The following ARHGAP10 variants were observed in gnomAD, a reference collection of about 807,000 sequenced individuals.
The protein encoded by ARHGAP10 is rho GTPase-activating protein 10.
A neutral mutation model predicts 108.6 loss-of-function variants in ARHGAP10; 87 were observed. That is an observed-to-expected ratio of 0.80 (90% CI 0.67 to 0.96). ARHGAP10 has a LOEUF of 0.96. Among genes scored for constraint, ARHGAP10 ranks in the 40% least tolerant of loss-of-function variants. The pLI, the probability that ARHGAP10 is intolerant of heterozygous loss-of-function variation, is 0.00. For missense variants in ARHGAP10, 939 were observed against 954.5 expected (o/e 0.98, Z 0.21); for synonymous variants, 347 against 341.1 (o/e 1.02, Z -0.19).
chr4:147,938,306 G>T (rs961571454), intron 13 of ARHGAP10, among the ~76,000 whole-genome samples: 36 of 152,112 alleles, frequency 2.4e-4, no homozygotes, highest in African/African-American at 8.4e-4. Flanking sequence ...TACAACAAAT[G>T]CCATGACACA....
chr4:147,828,833 G>A (rs1332707088), intron 3 of ARHGAP10, among the ~76,000 whole-genome samples: 1 of 151,728 alleles, frequency 6.6e-6, no homozygotes, highest in Non-Finnish European at 1.5e-5. Context: ...TCAAAGAAGT[G>A]TAATTTCTAT....
intron 3 of ARHGAP10, among the ~76,000 whole-genome samples, chr4:147,845,261 C>T (rs555330830): frequency 7.5e-4 from 114 of 152,346 alleles, no homozygotes; most frequent in African/African-American, 2.6e-3. Flanking sequence ...CCTCACTGTA[C>T]TCCTACTTTT....
chr4:147,791,533 T>TGC (rs900795522), intron 1 of ARHGAP10, among the ~76,000 whole-genome samples: 5 of 151,718 alleles, frequency 3.3e-5, no homozygotes, highest in African/African-American at 7.3e-5. Context: ...TGTGTGTGTG[T>TGC]GCGCGCGCGT....
In ARHGAP10 at chr4:148,034,901, T is replaced by C. The variant is rs1402396508; in HGVS notation, c.1867+11488T>C. Among the ~76,000 whole-genome samples the C allele has an allele frequency of 2.0e-5, 3 of 152,328 alleles. No individual in the cohort carries two copies. The East Asian group carries it at 5.8e-4, about 29-fold the overall frequency. On this transcript the variant is annotated intron_variant, in intron 19 of 22. Coordinates refer to ENST00000336498, the MANE Select transcript of ARHGAP10 (RefSeq NM_024605.4). ...GTTTATATGGGCAAAAATTTTAGTC[T>C]TTAAACAATGCCCCAGGACTGTGAT...
At chr4:147,753,237 A>G (rs1729233210) in intron 1 of ARHGAP10, among the ~76,000 whole-genome samples, 4 of 152,214 alleles carry the variant, frequency 2.6e-5, no homozygotes, top group Admixed American at 2.6e-4. Context: ...TACACCATAG[A>G]TAAGGAAACA....
chr4:147,932,471 C>A (rs1228819390), intron 13 of ARHGAP10, among the ~76,000 whole-genome samples: 1 of 152,102 alleles, frequency 6.6e-6, no homozygotes, highest in East Asian at 1.9e-4. Context: ...TACTATGCAG[C>A]CATAAAAAGG....
chr4:147,881,768 G>T, intron 9 of ARHGAP10, 70 bp from the exon 10 acceptor site: 1 of 1,423,164 alleles, frequency 7.0e-7, no homozygotes. Context: ...CTGCTCTCCA[G>T]TATAGAATGG....
intron 1 of ARHGAP10, among the ~76,000 whole-genome samples, chr4:147,795,556 T>G (rs1234503386): frequency 6.6e-6 from 1 of 152,076 alleles, no homozygotes; most frequent in Non-Finnish European, 1.5e-5. Context: ...ACTTCTGGAG[T>G]GTGAGCTCTT....
chr4:147,740,692 C>T (rs1728620899), intron 1 of ARHGAP10, among the ~76,000 whole-genome samples: 1 of 152,202 alleles, frequency 6.6e-6, no homozygotes, highest in African/African-American at 2.4e-5. Flanking sequence ...CTCCACCTTC[C>T]TCTTTTCCTC....
chr4:147,957,140 C>T (rs375732845), intron 16 of ARHGAP10, among the ~76,000 whole-genome samples: 30 of 152,170 alleles, frequency 2.0e-4, no homozygotes, highest in African/African-American at 5.8e-4. Context: ...ATGACAGGAC[C>T]GTCAGAAAGA....
At chr4:148,034,348 G>A (rs943469966) in intron 19 of ARHGAP10, among the ~76,000 whole-genome samples, 6 of 152,036 alleles carry the variant, frequency 3.9e-5, no homozygotes, top group South Asian at 2.1e-4. Context: ...AGACCATTTC[G>A]CTCTTGTTGC....
intron 19 of ARHGAP10, among the ~76,000 whole-genome samples, chr4:148,031,774 T>C (rs1424394960): frequency 6.6e-6 from 1 of 152,218 alleles, no homozygotes; most frequent in Non-Finnish European, 1.5e-5. Flanking sequence ...GAGAGGACTA[T>C]GGTTTTCAAT....
chr4:147,941,652 T>C (rs966209500), intron 14 of ARHGAP10, among the ~76,000 whole-genome samples: 2 of 152,178 alleles, frequency 1.3e-5, no homozygotes, highest in African/African-American at 4.8e-5. Flanking sequence ...TACCTCCTCA[T>C]TAAGCCATTC....
chr4:147,975,009 A>G (rs977599099), intron 18 of ARHGAP10, among the ~76,000 whole-genome samples: 5 of 152,162 alleles, frequency 3.3e-5, no homozygotes, highest in Admixed American at 1.3e-4. Flanking sequence ...GGGAGCTACA[A>G]TTCAAGATGA....
At chr4:147,933,242 A>G (rs1392607211) in intron 13 of ARHGAP10, among the ~76,000 whole-genome samples, 3 of 152,088 alleles carry the variant, frequency 2.0e-5, no homozygotes, top group African/African-American at 4.8e-5. Flanking sequence ...TTTAGGGACA[A>G]GGTTTTGCTA....
intron 15 of ARHGAP10, among the ~76,000 whole-genome samples, chr4:147,950,402 G>C (rs1372729066): frequency 6.6e-6 from 1 of 152,200 alleles, no homozygotes; most frequent in Admixed American, 6.5e-5. Flanking sequence ...TCAAGAGCAG[G>C]AGGTCTGGAG....
At chr4:148,005,558 T>C (rs1740912534) in intron 18 of ARHGAP10, among the ~76,000 whole-genome samples, 2 of 152,256 alleles carry the variant, frequency 1.3e-5, no homozygotes, top group African/African-American at 4.8e-5. Flanking sequence ...TATTAAAATG[T>C]ATATTAAAAA....
At chr4:147,917,036 C>G (rs181581078) in intron 13 of ARHGAP10, 3 of 152,208 alleles carry the variant, frequency 2.0e-5, no homozygotes, top group Non-Finnish European at 4.4e-5. Context: ...ATGTCTCCAA[C>G]AAACATAACT....
rs1348822027 is a variant in ARHGAP10, at chr4:147,784,856, A to AAT, written c.155-37866_155-37865dup. Among the ~76,000 whole-genome samples, 146 of 27,022 alleles carry AAT rather than the reference A, an allele frequency of 5.4e-3. 15 individuals are homozygous for AAT. Among genetic ancestry groups the AAT allele is most frequent in the Non-Finnish European group, 0.023 (125 of 5,484 alleles). The allele number at this position is 27,022 out of a possible 152,430, so 17.7% of individuals were successfully genotyped here. ...AATATATTATAAAATATATATTATA[A>AAT]ATATATTATAAAATATATATTATAA... On this transcript the variant is annotated intron_variant, in intron 1 of 22. Transcript: ENST00000336498.
Sources: gnomAD v4.1 joint callset for allele counts (sites outside exome capture counted in the v4.1 genomes callset) on GRCh38, gnomAD v4.1.1 for gene constraint, MANE v1.5 for transcripts, NCBI Gene and HGNC (gene_info 2026-07-23, HGNC 2026-07-21) for gene names.